The following ATG4B variants were observed in gnomAD, a reference collection of about 807,000 sequenced individuals.
ATG4B encodes the protein autophagy related 4B cysteine peptidase.
In ATG4B, 29 loss-of-function variants were observed where a neutral mutation model predicts 56.6. The observed-to-expected ratio is 0.51, with a 90% CI of 0.38 to 0.70. The LOEUF is 0.70. Among genes scored for constraint, ATG4B ranks in the 30% least tolerant of loss-of-function variants. The pLI is 0.00. For synonymous variants in ATG4B, 224 were observed against 206.1 expected (o/e 1.09, Z -0.74); for missense variants, 461 against 515.5 (o/e 0.89, Z 1.02).
chr2:241,664,077 C>T lies in ATG4B; in HGVS notation c.539-2568C>T, dbSNP rs527338379. Among the ~76,000 whole-genome samples, 105 of 152,210 alleles carry T rather than the reference C, an allele frequency of 6.9e-4. 2 individuals are homozygous for T. In the South Asian group the frequency reaches 0.016, roughly 23 times the overall value. On this transcript the variant is annotated intron_variant, in intron 7 of 12. Coordinates refer to ENST00000404914, the MANE Select transcript of ATG4B (RefSeq NM_013325.5). ...TCATGATCTGCCCACCTTGGCCTCC[C>T]AGAGTGCTGGGATTACAGGCGTGAG...
chr2:241,653,775 C>T (rs1211178407), intron 4 of ATG4B, among the ~76,000 whole-genome samples, 165 bp downstream of exon 4: 1 of 152,094 alleles, frequency 6.6e-6, no homozygotes, highest in African/African-American at 2.4e-5. Flanking sequence ...AAAAAACTGA[C>T]TTTAAAGAAT....
intron 7 of ATG4B, among the ~76,000 whole-genome samples, chr2:241,661,698 C>T (rs2068598850): frequency 6.6e-6 from 1 of 152,130 alleles, no homozygotes; most frequent in African/African-American, 2.4e-5. Flanking sequence ...TTAGGTGAAG[C>T]CTGTGGGGTA....
intron 6 of ATG4B, among the ~76,000 whole-genome samples, chr2:241,657,808 G>T (rs185281764): frequency 6.6e-6 from 1 of 152,172 alleles, no homozygotes; most frequent in Admixed American, 6.5e-5. Context: ...AGAGCCATCT[G>T]CATAAAACAT....
rs2069046559 is a variant in ATG4B, at chr2:241,673,434, G to C, written c.*1170G>C. On this transcript the variant is annotated 3_prime_UTR_variant, in exon 13 of 13. Coordinates refer to ENST00000404914, the MANE Select transcript of ATG4B (RefSeq NM_013325.5). ...AGCGTGGGCACTTTTCTCATGAGCAGCTACTGCGGCGTTGGCAGGACTCGC... is the reference window on the plus strand; with the variant it reads ...AGCGTGGGCACTTTTCTCATGAGCACCTACTGCGGCGTTGGCAGGACTCGC... The C allele has an allele frequency of 2.6e-6, 1 of 386,730 alleles. No individual in the cohort carries two copies. The highest frequency in any genetic ancestry group is 2.1e-5 in the African/African-American group (1 of 48,280). The allele number at this position is 386,730 out of a possible 1,614,324, so 24.0% of individuals were successfully genotyped here.
intron 7 of ATG4B, among the ~76,000 whole-genome samples, chr2:241,660,083 G>T (rs899870194): frequency 6.6e-6 from 1 of 152,128 alleles, no homozygotes; most frequent in Non-Finnish European, 1.5e-5. Flanking sequence ...CCAGCTACTC[G>T]GGAGGCTGAG....
At chr2:241,663,833 A>T (rs1018403512) in intron 7 of ATG4B, among the ~76,000 whole-genome samples, 2 of 147,802 alleles carry the variant, frequency 1.4e-5, no homozygotes, top group Non-Finnish European at 3.0e-5. Context: ...TTTTTGGAAC[A>T]GTTCTGCTCT....
intron 1 of ATG4B, among the ~76,000 whole-genome samples, chr2:241,639,046 C>G (rs538692773): frequency 6.6e-6 from 1 of 152,182 alleles, no homozygotes; most frequent in Non-Finnish European, 1.5e-5. Flanking sequence ...CTTGGTCCAC[C>G]GGTGGGCACC....
chr2:241,659,231 G>A (rs368164189), intron 7 of ATG4B, 44 bp downstream of exon 7: 11 of 1,550,330 alleles, frequency 7.1e-6, no homozygotes, highest in Non-Finnish European at 7.1e-6. Context: ...TTGAAATCAC[G>A]GGCAACATAC....
chr2:241,650,510 A>G (rs2068197637), intron 1 of ATG4B, among the ~76,000 whole-genome samples: 1 of 152,156 alleles, frequency 6.6e-6, no homozygotes, highest in Non-Finnish European at 1.5e-5. Flanking sequence ...GGTAAACCTT[A>G]GGATGGCCAT....
In ATG4B at chr2:241,642,336, T is replaced by C. The variant is rs370269801; in HGVS notation, c.10+4612T>C. On this transcript the variant is annotated intron_variant, in intron 1 of 12. Coordinates refer to ENST00000404914, the MANE Select transcript of ATG4B (RefSeq NM_013325.5). ...TAAATTTGGAGTTCCTTTCTCTCTT[T>C]CTCTGTTTTCATTCAGGACTGAACT... Among the ~76,000 whole-genome samples, 181 of 152,190 alleles carry C rather than the reference T, an allele frequency of 1.2e-3. 4 individuals carry two copies. The South Asian group carries it at 0.036, about 30-fold the overall frequency.
Position 241,672,616 on chromosome 2 carries a change from G to C in ATG4B, c.*352G>C. 1.7e-5 allele frequency: 5 copies of C among 302,576 alleles called. No individual in the cohort carries two copies. The South Asian group carries it at 2.1e-4, about 13-fold the overall frequency. 18.7% of individuals were successfully genotyped at this position (302,576 alleles called of 1,614,324 possible). ...GTGGTTGGTTTGGAATTAAAGTCCT[G>C]TTTGAAGTTGTCAGACACAGACATG... On this transcript the variant is annotated 3_prime_UTR_variant, in exon 13 of 13. Coordinates refer to ENST00000404914, the MANE Select transcript of ATG4B (RefSeq NM_013325.5).
chr2:241,653,946 G>A (rs745532368), intron 4 of ATG4B, among the ~76,000 whole-genome samples: 31 of 136,966 alleles, frequency 2.3e-4, no homozygotes, highest in Non-Finnish European at 3.2e-4. Flanking sequence ...AGCTGAGATC[G>A]CACCACTGCG....
chr2:241,655,401 A>C, intron 6 of ATG4B, 58 bp downstream of exon 6: 2 of 1,528,140 alleles, frequency 1.3e-6, no homozygotes, highest in Non-Finnish European at 1.8e-6. Flanking sequence ...CCTGGGGGTT[A>C]AATTCTCCTT....
chr2:241,643,082 A>G (rs560268664), intron 1 of ATG4B, among the ~76,000 whole-genome samples: 1 of 151,262 alleles, frequency 6.6e-6, no homozygotes, highest in South Asian at 2.1e-4. Context: ...ATGGGGTTTC[A>G]CCATGTTGGC....
At chr2:241,654,504 C>T in intron 4 of ATG4B, 42 bp from the exon 5 acceptor site, 7 of 1,394,376 alleles carry the variant, frequency 5.0e-6, no homozygotes, top group Non-Finnish European at 7.0e-6. Context: ...ACTTGTTTCT[C>T]ATATTTATGG....
At position 241,673,605 on chromosome 2, in the gene ATG4B, T is replaced by C; in HGVS notation, c.*1341T>C. On this transcript the variant is annotated 3_prime_UTR_variant, in exon 13 of 13. Coordinates refer to ENST00000404914, the MANE Select transcript of ATG4B (RefSeq NM_013325.5). ...AGACATAGTGTATTTCCTCGTATCC[T>C]TTCTCCCTTGGGTGTAGTTGGGGTG... 2.2e-6 allele frequency: 1 copy of C among 455,910 alleles called. No individual in the cohort carries two copies. Among genetic ancestry groups the C allele is most frequent in the Non-Finnish European group, 4.4e-6 (1 of 227,064 alleles). The allele number at this position is 455,910 out of a possible 1,614,324, so 28.2% of individuals were successfully genotyped here. A position where few individuals can be genotyped will look rare whatever the true frequency, so the allele number is the denominator to read the frequency against.
At chr2:241,663,255 TAATAAA>T (rs763598144) in intron 7 of ATG4B, among the ~76,000 whole-genome samples, 1 of 151,868 alleles carries the variant, frequency 6.6e-6, no homozygotes, top group Non-Finnish European at 1.5e-5. Flanking sequence ...CAACAAAAAA[TAATAAA>T]AATATATAGA....
At chr2:241,650,372 A>G (rs1360122761) in intron 1 of ATG4B, among the ~76,000 whole-genome samples, 1 of 152,068 alleles carries the variant, frequency 6.6e-6, no homozygotes, top group African/African-American at 2.4e-5. Flanking sequence ...ATGCTTCTCC[A>G]GCACCTGCTC....
Position 241,651,329 on chromosome 2 carries a change from G to C in ATG4B, c.178G>C (p.Ala60Pro), listed in dbSNP as rs1351916949. 1 of 1,594,478 alleles carries C rather than the reference G, an allele frequency of 6.3e-7. No homozygotes were observed. The highest frequency in any genetic ancestry group is 1.8e-5 in the Admixed American group (1 of 57,076). The change falls in exon 3 of 13, where the codon GCC becomes CCC. Residue 60 changes from alanine to proline, a missense_variant. Transcript: ENST00000404914. This position sits in a 1 kb window ranked among gnomAD's most constrained non-coding sequence, Gnocchi z 4.1. ...LWFTYRKNFPAIGGTGPTSDT... is the reference protein window; with the variant it reads ...LWFTYRKNFPPIGGTGPTSDT... ...GTTTACATACAGGAAAAACTTTCCA[G>C]CCATTGGTAAGTACTCTGTTTTATT... is the stretch of plus-strand genomic sequence containing the variant.
Sources: gnomAD v4.1 joint callset for allele counts (sites outside exome capture counted in the v4.1 genomes callset) on GRCh38, gnomAD v4.1.1 for gene constraint, Gnocchi (gnomAD v3.1) non-coding constraint, MANE v1.5 for transcripts, NCBI Gene and HGNC (gene_info 2026-07-23, HGNC 2026-07-21) for gene names.